Variants in PKNOX2 observed in about 807,000 individuals in gnomAD.
PKNOX2 encodes PBX/knotted 1 homeobox 2.
A neutral mutation model predicts 53.1 loss-of-function variants in PKNOX2; 14 were observed. The observed-to-expected ratio is 0.26, with a 90% CI of 0.17 to 0.41. The LOEUF is 0.41. Ranked by LOEUF, PKNOX2 falls within the 10% of genes least tolerant of loss-of-function variation. The pLI, the probability that PKNOX2 is intolerant of heterozygous loss-of-function variation, is 1.00. For synonymous variants in PKNOX2, 257 were observed against 242.8 expected (o/e 1.06, Z -0.54); for missense variants, 496 against 602.8 (o/e 0.82, Z 1.85).
chr11:125,281,128 CT>C (rs1946528807), intron 2 of PKNOX2, among the ~76,000 whole-genome samples: 1 of 152,220 alleles, frequency 6.6e-6, no homozygotes, highest in South Asian at 2.1e-4. Context: ...TCAGCTTTGT[CT>C]GGAGCTCAGG....
At chr11:125,360,510 G>A (rs181519393) in intron 4 of PKNOX2, among the ~76,000 whole-genome samples, 1 of 152,320 alleles carries the variant, frequency 6.6e-6, no homozygotes, top group East Asian at 1.9e-4. Context: ...CAGAGGAACT[G>A]AGTCCTTGCC....
chr11:125,253,522 C>G (rs1426910837), intron 2 of PKNOX2, among the ~76,000 whole-genome samples: 3 of 152,138 alleles, frequency 2.0e-5, no homozygotes, highest in Non-Finnish European at 4.4e-5. Context: ...CGTGCAAATG[C>G]CACCGATGGT....
intron 2 of PKNOX2, among the ~76,000 whole-genome samples, chr11:125,270,106 G>T (rs1945674914): frequency 6.6e-6 from 1 of 152,148 alleles, no homozygotes; most frequent in African/African-American, 2.4e-5. Context: ...ATCTATCAGA[G>T]CCATTGCCCC....
chr11:125,414,730 C>G (rs1188912870), intron 10 of PKNOX2, among the ~76,000 whole-genome samples: 1 of 143,386 alleles, frequency 7.0e-6, no homozygotes, highest in Non-Finnish European at 1.5e-5. Context: ...TGTGATTACC[C>G]TGATTCTATT....
intron 2 of PKNOX2, among the ~76,000 whole-genome samples, chr11:125,284,914 C>T (rs1236832631): frequency 6.6e-6 from 1 of 152,036 alleles, no homozygotes; most frequent in Admixed American, 6.6e-5. Flanking sequence ...GGGGGCACCT[C>T]TTGGTCCACC....
chr11:125,173,374 G>A lies in PKNOX2; in HGVS notation c.-201+8598G>A, dbSNP rs952324689. 2.0e-5 allele frequency among the ~76,000 whole-genome samples: 3 copies of A among 152,168 alleles called. No individual in the cohort carries two copies. In the East Asian group the frequency reaches 5.8e-4, roughly 29 times the overall value. On this transcript the variant is annotated intron_variant, in intron 1 of 12. Coordinates refer to ENST00000298282, the MANE Select transcript of PKNOX2 (RefSeq NM_001382323.2). ...AAAGTGGCAGGTCCAGGAAGTGGGTGCAGGTGTGTCTGTGTGTAGCAATGG... is the reference window on the plus strand; with the variant it reads ...AAAGTGGCAGGTCCAGGAAGTGGGTACAGGTGTGTCTGTGTGTAGCAATGG...
chr11:125,223,605 G>A (rs980876695), intron 1 of PKNOX2, among the ~76,000 whole-genome samples: 2 of 152,170 alleles, frequency 1.3e-5, no homozygotes, highest in Non-Finnish European at 1.5e-5. Context: ...TGTAAAACCA[G>A]AGTAACGAAG....
chr11:125,263,702 G>T lies in PKNOX2; in HGVS notation c.-130+28587G>T, dbSNP rs540818087. Among the ~76,000 whole-genome samples, 5 of 152,350 alleles carry T rather than the reference G, an allele frequency of 3.3e-5. No individual in the cohort carries two copies. The East Asian group carries it at 9.7e-4, about 29-fold the overall frequency. ...TATCTCAGTCCGGTCTTCGCACGGA[G>T]GGCGTGGAGCCGAGGATGAGCCATG... On this transcript the variant is annotated intron_variant, in intron 2 of 12. Transcript: ENST00000298282.
chr11:125,165,001 C>G lies in PKNOX2; in HGVS notation c.-201+225C>G, dbSNP rs1954743775. On this transcript the variant is annotated intron_variant, in intron 1 of 12. Coordinates refer to ENST00000298282, the MANE Select transcript of PKNOX2 (RefSeq NM_001382323.2). This position sits in a 1 kb window ranked among gnomAD's most constrained non-coding sequence, Gnocchi z 4.5. ...CAGGGAGGAGGGAGGCAGGGAGCAGCGAGGGACGGCGGGAGCGTGCAGAGA... is the reference window on the plus strand; with the variant it reads ...CAGGGAGGAGGGAGGCAGGGAGCAGGGAGGGACGGCGGGAGCGTGCAGAGA... Among the ~76,000 whole-genome samples, 1 of 151,504 alleles carries G rather than the reference C, an allele frequency of 6.6e-6. No individual in the cohort carries two copies. Among genetic ancestry groups the G allele is most frequent in the Non-Finnish European group, 1.5e-5 (1 of 67,768 alleles).
chr11:125,274,212 C>T (rs2135807293), intron 2 of PKNOX2, among the ~76,000 whole-genome samples: 1 of 152,266 alleles, frequency 6.6e-6, no homozygotes, highest in East Asian at 1.9e-4. Flanking sequence ...AGTAACTTGC[C>T]CATGGTCACA....
chr11:125,249,234 T>C (rs1943815956), intron 2 of PKNOX2, among the ~76,000 whole-genome samples: 1 of 151,868 alleles, frequency 6.6e-6, no homozygotes, highest in Non-Finnish European at 1.5e-5. Flanking sequence ...TCATACTGAT[T>C]TAAATGGATA....
rs910876518 is a variant in PKNOX2, at chr11:125,166,952, A to G, written c.-201+2176A>G. ...AATCTGAGAATGATGGTGTTCAAAC[A>G]TAACACGGTGTATTACCCAAAGCCC... On this transcript the variant is annotated intron_variant, in intron 1 of 12. Transcript: ENST00000298282. This position sits in a 1 kb window ranked among gnomAD's most constrained non-coding sequence, Gnocchi z 4.0. 6.6e-6 allele frequency among the ~76,000 whole-genome samples: 1 copy of G among 152,162 alleles called. No homozygotes were observed.
intron 2 of PKNOX2, among the ~76,000 whole-genome samples, chr11:125,317,936 A>C (rs902361069): frequency 5.9e-5 from 9 of 152,168 alleles, no homozygotes; most frequent in African/African-American, 2.2e-4. Context: ...ACACTGAAAA[A>C]ATTTGTTGTT....
intron 1 of PKNOX2, among the ~76,000 whole-genome samples, chr11:125,182,973 G>A (rs972637247): frequency 6.6e-6 from 1 of 152,176 alleles, no homozygotes; most frequent in Non-Finnish European, 1.5e-5. Context: ...TGGAATCAAT[G>A]AAACTTGCAA....
At chr11:125,350,413 T>C (rs1591537971) in intron 3 of PKNOX2, among the ~76,000 whole-genome samples, 1 of 152,208 alleles carries the variant, frequency 6.6e-6, no homozygotes, top group East Asian at 1.9e-4. Context: ...CCAGCTTCAC[T>C]AACAAGTCCC....
chr11:125,205,791 G>A (rs1338382692), intron 1 of PKNOX2, among the ~76,000 whole-genome samples: 1 of 152,022 alleles, frequency 6.6e-6, no homozygotes, highest in Non-Finnish European at 1.5e-5. Context: ...TTAAAAAGAT[G>A]AAAATACACA....
intron 4 of PKNOX2, among the ~76,000 whole-genome samples, chr11:125,359,869 C>T (rs1951827989): frequency 6.6e-6 from 1 of 152,218 alleles, no homozygotes. Context: ...GAGGGGATGT[C>T]CTCTTAGGAG....
rs1183019707 is a variant in PKNOX2, at chr11:125,370,764, A to T, written c.227+2779A>T. Among the ~76,000 whole-genome samples the T allele has an allele frequency of 6.6e-6, 1 of 152,162 alleles. No individual in the cohort carries two copies. Among genetic ancestry groups the T allele is most frequent in the Non-Finnish European group, 1.5e-5 (1 of 68,024 alleles). On this transcript the variant is annotated intron_variant, in intron 5 of 12. Coordinates refer to ENST00000298282, the MANE Select transcript of PKNOX2 (RefSeq NM_001382323.2). The surrounding 1 kb of genome is among the most constrained non-coding windows in gnomAD (Gnocchi z 4.1). ...CCAGGGAGGGAGCTCAGCCTCCTGT[A>T]GGGTCGGGTAATTTTAATTAGATTT... is the stretch of plus-strand genomic sequence containing the variant.
intron 2 of PKNOX2, among the ~76,000 whole-genome samples, chr11:125,265,716 G>A (rs994243523): frequency 6.6e-6 from 1 of 152,180 alleles, no homozygotes; most frequent in African/African-American, 2.4e-5. Flanking sequence ...GGTCCCCAGA[G>A]GGTTGCGGGT....
Sources: allele counts gnomAD v4.1 joint callset (sites outside exome capture counted in the v4.1 genomes callset), GRCh38; gene constraint gnomAD v4.1.1; non-coding constraint Gnocchi (gnomAD v3.1); transcripts MANE v1.5; gene names NCBI Gene and HGNC (gene_info 2026-07-23, HGNC 2026-07-21).